Variants in ADARB2 observed in about 807,000 individuals in gnomAD.
ADARB2 encodes inactive double-stranded RNA-specific editase B2.
In ADARB2, 25 loss-of-function variants were observed where a neutral mutation model predicts 62.2. The observed-to-expected ratio is 0.40, with a 90% CI of 0.29 to 0.56. The LOEUF is 0.56. Among genes scored for constraint, ADARB2 ranks in the 20% least tolerant of loss-of-function variants. ADARB2 has a pLI of 0.43. For missense variants in ADARB2, 1,071 were observed against 1,077.4 expected (o/e 0.99, Z 0.08); for synonymous variants, 572 against 500.8 (o/e 1.14, Z -1.90).
At chr10:1,573,352 T>A (rs982437862) in intron 1 of ADARB2, among the ~76,000 whole-genome samples, 9 of 152,194 alleles carry the variant, frequency 5.9e-5, no homozygotes, top group African/African-American at 2.2e-4. Context: ...TGTCAATGGC[T>A]GCTGCCTGGG....
rs779363940 is a variant in ADARB2 at position 1,363,819 on chromosome 10, C to T, written c.286G>A (p.Ala96Thr). ...TCCTCCAGCGGCCGCTTCCTCTTCG[C>T]GCCGGGCGCGCCGCCCCGGGCCCGG... is the stretch of plus-strand genomic sequence containing the variant. The part of the protein sequence containing the change: ...GDRARGGAPG[A>T]KRKRPLEEGN... The change falls in exon 3 of 10, where the codon GCG becomes ACG. Residue 96 changes from alanine (A) to threonine (T), a missense_variant. By Grantham distance (58) the Ala-to-Thr change is moderately conservative (BLOSUM62 0). Coordinates refer to ENST00000381312, the MANE Select transcript of ADARB2 (RefSeq NM_018702.4). 1.3e-6 allele frequency: 2 copies of T among 1,578,866 alleles called. No homozygotes were observed. The highest frequency in any genetic ancestry group is 4.6e-5 in the East Asian group (2 of 43,806).
intron 5 of ADARB2, among the ~76,000 whole-genome samples, chr10:1,241,528 T>TG (rs933023906): frequency 4.6e-5 from 7 of 152,128 alleles, no homozygotes; most frequent in African/African-American, 1.7e-4. Flanking sequence ...TGGCCCAGCC[T>TG]GGGGGTGTGT....
chr10:1,349,138 T>C (rs1428363615), intron 3 of ADARB2, among the ~76,000 whole-genome samples: 11 of 152,130 alleles, frequency 7.2e-5, no homozygotes. Context: ...AAATGGCCTG[T>C]TCCTGCCTTA....
intron 7 of ADARB2, among the ~76,000 whole-genome samples, chr10:1,205,718 C>T (rs1157190954): frequency 6.6e-6 from 1 of 152,272 alleles, no homozygotes; most frequent in Non-Finnish European, 1.5e-5. Context: ...GGAGCAGAGA[C>T]CTTGGCTTCC....
chr10:1,730,629 C>T (rs1417069984), intron 1 of ADARB2, among the ~76,000 whole-genome samples: 3 of 150,320 alleles, frequency 2.0e-5, no homozygotes, highest in African/African-American at 4.8e-5. Context: ...GCATTTATAT[C>T]ATCTTTCTCT....
At chr10:1,625,829 C>T (rs571618050) in intron 1 of ADARB2, among the ~76,000 whole-genome samples, 66 of 152,310 alleles carry the variant, frequency 4.3e-4, no homozygotes, top group African/African-American at 1.5e-3. Context: ...GTCCTCATCA[C>T]CCAGCACAGC....
chr10:1,525,550 C>T (rs1009173245), intron 1 of ADARB2, among the ~76,000 whole-genome samples: 11 of 152,042 alleles, frequency 7.2e-5, no homozygotes, highest in African/African-American at 2.4e-4. Context: ...CATCAGCAGC[C>T]CGACGCTGGT....
intron 3 of ADARB2, among the ~76,000 whole-genome samples, chr10:1,281,167 G>A (rs747183837): frequency 1.6e-4 from 25 of 152,234 alleles, no homozygotes; most frequent in Non-Finnish European, 3.1e-4. Flanking sequence ...GTGGATCCAT[G>A]ATGAGTTGGT....
At position 1,233,807 on chromosome 10, in the gene ADARB2, C is replaced by T. The variant is rs183096272; in HGVS notation, c.1400G>A (p.Arg467Gln). 51 of 1,613,974 alleles carry T rather than the reference C, an allele frequency of 3.2e-5. No homozygotes were observed. The highest frequency in any genetic ancestry group is 1.6e-4 in the Middle Eastern group (1 of 6,062). The change falls in exon 6 of 10, where the codon CGG becomes CAG. Residue 467 changes from arginine to glutamine, a missense_variant. Physicochemically the swap from Arg to Gln is conservative, Grantham distance 43. Coordinates refer to ENST00000381312, the MANE Select transcript of ADARB2 (RefSeq NM_018702.4). ...REDSERSIFVRLKEGGYRLRE... is the reference protein window; with the variant it reads ...REDSERSIFVQLKEGGYRLRE... Reference sequence around the variant, plus strand: ...CAGCCGGTAGCCACCTTCTTTTAACCGCACGAATATCGATCGCTCTGAGTC... The same window carrying T: ...CAGCCGGTAGCCACCTTCTTTTAACTGCACGAATATCGATCGCTCTGAGTC...
chr10:1,373,150 T>C (rs1410353496), intron 2 of ADARB2, among the ~76,000 whole-genome samples: 2 of 152,184 alleles, frequency 1.3e-5, no homozygotes, highest in Admixed American at 1.3e-4. Context: ...AAAGTTCATA[T>C]GGAATCAAAA....
At chr10:1,619,112 A>C (rs1371848963) in intron 1 of ADARB2, among the ~76,000 whole-genome samples, 2 of 152,246 alleles carry the variant, frequency 1.3e-5, no homozygotes, top group African/African-American at 4.8e-5. Flanking sequence ...CATGTGGAAA[A>C]TAAATTGCAA....
At chr10:1,259,637 G>C (rs1407385423) in intron 4 of ADARB2, among the ~76,000 whole-genome samples, 4 of 152,170 alleles carry the variant, frequency 2.6e-5, no homozygotes, top group East Asian at 3.8e-4. Flanking sequence ...ATAACAGGCT[G>C]TGAAATTGAG....
intron 1 of ADARB2, among the ~76,000 whole-genome samples, chr10:1,403,569 G>A (rs1389601841): frequency 6.6e-6 from 1 of 152,200 alleles, no homozygotes; most frequent in African/African-American, 2.4e-5. Context: ...GAGCTAACGG[G>A]GAAGCCACTT....
chr10:1,424,348 G>C (rs942656262), intron 1 of ADARB2, among the ~76,000 whole-genome samples: 8 of 152,212 alleles, frequency 5.3e-5, no homozygotes, highest in Non-Finnish European at 1.0e-4. Flanking sequence ...GCCTGTGTGA[G>C]AGCAAGAAGA....
At chr10:1,590,555 T>G (rs1003497087) in intron 1 of ADARB2, among the ~76,000 whole-genome samples, 11 of 152,334 alleles carry the variant, frequency 7.2e-5, no homozygotes, top group African/African-American at 2.4e-4. Context: ...CACCAGTGTC[T>G]GTCATCGTGG....
chr10:1,251,489 T>C (rs1831037485), intron 4 of ADARB2, among the ~76,000 whole-genome samples: 1 of 152,184 alleles, frequency 6.6e-6, no homozygotes, highest in South Asian at 2.1e-4. Flanking sequence ...TGTTTGATGG[T>C]ACAATGGTGG....
rs1433072487 is a variant in ADARB2 at position 1,293,625 on chromosome 10, T to A, written c.1078-22556A>T. 2.6e-5 allele frequency among the ~76,000 whole-genome samples: 4 copies of A among 152,296 alleles called. 1 individual carries two copies. The South Asian group carries it at 6.2e-4, about 24-fold the overall frequency. ...TCTGATAAAACCAAAACTAATTTAT[T>A]TTTTGTTTATCCTCCACTACCTTTG... On this transcript the variant is annotated intron_variant, in intron 3 of 9. Transcript: ENST00000381312.
At chr10:1,621,765 G>C (rs1806893431) in intron 1 of ADARB2, among the ~76,000 whole-genome samples, 1 of 152,218 alleles carries the variant, frequency 6.6e-6, no homozygotes, top group Non-Finnish European at 1.5e-5. Flanking sequence ...ACTCAGTAAT[G>C]TCAAGATGTC....
intron 1 of ADARB2, among the ~76,000 whole-genome samples, chr10:1,670,204 T>C (rs1834367003): frequency 6.6e-6 from 1 of 152,218 alleles, no homozygotes; most frequent in South Asian, 2.1e-4. Flanking sequence ...GCAGCCAATA[T>C]GTTTGCGTAT....
Sources: allele counts gnomAD v4.1 joint callset (sites outside exome capture counted in the v4.1 genomes callset), GRCh38; gene constraint gnomAD v4.1.1; transcripts MANE v1.5; gene names NCBI Gene and HGNC (gene_info 2026-07-23, HGNC 2026-07-21).